Variants in CDR2 observed in about 807,000 individuals in gnomAD.
CDR2 encodes the protein cerebellar degeneration-related protein 2.
A neutral mutation model predicts 48.4 loss-of-function variants in CDR2; 34 were observed. The ratio of observed to expected loss-of-function variants is 0.70; its 90% CI spans 0.53 to 0.94. CDR2 has a LOEUF of 0.94. Ranked by LOEUF, CDR2 falls within the 40% of genes least tolerant of loss-of-function variation. The pLI, the probability that CDR2 is intolerant of heterozygous loss-of-function variation, is 0.00. For missense variants in CDR2, 498 were observed against 549.5 expected (o/e 0.91, Z 0.94); for synonymous variants, 240 against 219.7 (o/e 1.09, Z -0.82).
intron 1 of CDR2, among the ~76,000 whole-genome samples, chr16:22,373,305 G>A (rs2049091004): frequency 6.6e-6 from 1 of 152,202 alleles, no homozygotes; most frequent in Non-Finnish European, 1.5e-5. Context: ...GAAAGCTGGC[G>A]TGCAAACTGA....
intron 2 of CDR2, among the ~76,000 whole-genome samples, chr16:22,356,826 C>T (rs2048976961): frequency 6.6e-6 from 1 of 151,114 alleles, no homozygotes; most frequent in African/African-American, 2.4e-5. Context: ...ATCCCAGCTA[C>T]TCTACTGGGG....
rs951672122 is a variant in CDR2, at chr16:22,349,294, A to T, written c.491T>A (p.Leu164Gln). Reference sequence around the variant, plus strand: ...AGGCTCTTACTGGCGGAGGTCATACAGCTCCTTCAGACATGCAAAGCTGGG... The same window carrying T: ...AGGCTCTTACTGGCGGAGGTCATACTGCTCCTTCAGACATGCAAAGCTGGG... ...PAPSFACLKE[L>Q]YDLRQHFVYD... Residue 164 changes from leucine to glutamine, a missense_variant, in exon 4 of 5, where the codon CTG (leucine) becomes CAG (glutamine). By Grantham distance (113) the Leu-to-Gln change is moderately radical (BLOSUM62 -2). Transcript: ENST00000268383. 1 of 1,614,064 alleles carries T rather than the reference A, an allele frequency of 6.2e-7. No individual in the cohort carries two copies. Among genetic ancestry groups the T allele is most frequent in the Non-Finnish European group, 8.5e-7 (1 of 1,180,036 alleles).
At chr16:22,370,328 C>T (rs982512623) in intron 1 of CDR2, among the ~76,000 whole-genome samples, 1 of 152,102 alleles carries the variant, frequency 6.6e-6, no homozygotes, top group Non-Finnish European at 1.5e-5. Context: ...GTTTTAATAA[C>T]CCTCCAAACA....
intron 1 of CDR2, among the ~76,000 whole-genome samples, chr16:22,372,733 A>T (rs1426851045): frequency 6.6e-6 from 1 of 152,240 alleles, no homozygotes; most frequent in Non-Finnish European, 1.5e-5. Context: ...ACCACTAAGT[A>T]GCTTGGACTC....
chr16:22,352,336 AC>A (rs1181031897), intron 2 of CDR2, among the ~76,000 whole-genome samples: 1 of 151,860 alleles, frequency 6.6e-6, no homozygotes, highest in East Asian at 1.9e-4. Flanking sequence ...ATGACACTCA[AC>A]GGGCCCTTAA....
chr16:22,348,034 T>C (rs1309226453), intron 4 of CDR2, among the ~76,000 whole-genome samples: 3 of 151,894 alleles, frequency 2.0e-5, no homozygotes, highest in Admixed American at 6.6e-5. Context: ...GCCTCCCAGG[T>C]TCAAGCGATT....
intron 2 of CDR2, among the ~76,000 whole-genome samples, chr16:22,352,694 A>C (rs1187430586): frequency 6.6e-6 from 1 of 152,220 alleles, no homozygotes; most frequent in Non-Finnish European, 1.5e-5. Context: ...GGGAAAAAAA[A>C]AATCTTGCTT....
intron 2 of CDR2, among the ~76,000 whole-genome samples, chr16:22,359,997 A>G (rs2049000819): frequency 6.6e-6 from 1 of 152,192 alleles, no homozygotes; most frequent in African/African-American, 2.4e-5. Flanking sequence ...AGCACAAAAT[A>G]TTTTTCCATT....
chr16:22,348,095 G>A (rs992326632), intron 4 of CDR2, among the ~76,000 whole-genome samples: 5 of 151,878 alleles, frequency 3.3e-5, no homozygotes, highest in African/African-American at 7.3e-5. Flanking sequence ...GCGCCACCAC[G>A]CCCAGCTAAT....
At chr16:22,365,653 C>T (rs2049040196) in intron 1 of CDR2, among the ~76,000 whole-genome samples, 1 of 152,098 alleles carries the variant, frequency 6.6e-6, no homozygotes, top group African/African-American at 2.4e-5. Context: ...TAGCACAGAA[C>T]CATATTTTAT....
At chr16:22,357,387 T>C (rs2048982107) in intron 2 of CDR2, among the ~76,000 whole-genome samples, 1 of 152,154 alleles carries the variant, frequency 6.6e-6, no homozygotes, top group African/African-American at 2.4e-5. Context: ...CTCTTGTGTA[T>C]CTAGTCCATT....
intron 1 of CDR2, among the ~76,000 whole-genome samples, chr16:22,372,871 C>T (rs1261292743): frequency 6.6e-6 from 1 of 152,204 alleles, no homozygotes; most frequent in African/African-American, 2.4e-5. Flanking sequence ...ACATTCTTTT[C>T]TTCTGCCATG....
intron 1 of CDR2, among the ~76,000 whole-genome samples, chr16:22,365,823 TAA>T (rs1460701607): frequency 6.6e-6 from 1 of 152,214 alleles, no homozygotes; most frequent in Non-Finnish European, 1.5e-5. Flanking sequence ...CTTTGCATAG[TAA>T]ATCTTATGGA....
At chr16:22,362,651 G>A (rs535278226) in intron 2 of CDR2, among the ~76,000 whole-genome samples, 11 of 152,290 alleles carry the variant, frequency 7.2e-5, no homozygotes, top group Admixed American at 2.0e-4. Flanking sequence ...AGTGATGATC[G>A]TTTAGGACTA....
At chr16:22,372,553 TAA>T in intron 1 of CDR2, among the ~76,000 whole-genome samples, 1 of 152,182 alleles carries the variant, frequency 6.6e-6, no homozygotes, top group Non-Finnish European at 1.5e-5. Flanking sequence ...TGATACAAAT[TAA>T]ATTATAGGGA....
chr16:22,349,916 C>T (rs535697037), intron 2 of CDR2, 67 bp from the exon 3 acceptor site: 90 of 1,472,962 alleles, frequency 6.1e-5, no homozygotes, highest in Non-Finnish European at 8.0e-5. Flanking sequence ...TGGCTGGCTG[C>T]GGTGGCTCAC....
chr16:22,361,086 T>G (rs1192645211), intron 2 of CDR2, among the ~76,000 whole-genome samples: 1 of 152,174 alleles, frequency 6.6e-6, no homozygotes, highest in Non-Finnish European at 1.5e-5. Context: ...ATAAACATTC[T>G]AAACAGTTAC....
Position 22,349,412 on chromosome 16 carries a change from T to C in CDR2, c.373A>G (p.Asn125Asp). The part of the protein sequence containing the change: ...LTETIECLQT[N>D]IDHLQSQVEE... ...ACTTGGCTCTGGAGGTGATCAATGTTGGTTTGCAGGCATTCAATCGTTTCA... is the reference window on the plus strand; with the variant it reads ...ACTTGGCTCTGGAGGTGATCAATGTCGGTTTGCAGGCATTCAATCGTTTCA... The change falls in exon 4 of 5, where the codon AAC becomes GAC. Residue 125 changes from asparagine to aspartate, a missense_variant. By Grantham distance (23) the Asn-to-Asp change is conservative. Coordinates refer to ENST00000268383, the MANE Select transcript of CDR2 (RefSeq NM_001802.2). The C allele has an allele frequency of 6.2e-7, 1 of 1,614,162 alleles. No homozygotes were observed. Among genetic ancestry groups the C allele is most frequent in the Non-Finnish European group, 8.5e-7 (1 of 1,180,032 alleles).
At chr16:22,371,590 A>C (rs1304645913) in intron 1 of CDR2, among the ~76,000 whole-genome samples, 1 of 152,266 alleles carries the variant, frequency 6.6e-6, no homozygotes, top group East Asian at 1.9e-4. Flanking sequence ...GAAATGAACA[A>C]GTTTTAAAAT....
Sources: allele counts gnomAD v4.1 joint callset (sites outside exome capture counted in the v4.1 genomes callset), GRCh38; gene constraint gnomAD v4.1.1; transcripts MANE v1.5; gene names NCBI Gene and HGNC (gene_info 2026-07-23, HGNC 2026-07-21).